USP24: variants seen among roughly 807,000 people sequenced by gnomAD.
USP24 encodes the protein ubiquitin carboxyl-terminal hydrolase 24.
A neutral mutation model predicts 361.6 loss-of-function variants in USP24; 97 were observed. The observed-to-expected ratio is 0.27, with a 90% CI of 0.23 to 0.32. USP24 has a LOEUF of 0.32. Ranked by LOEUF, USP24 falls within the 10% of genes least tolerant of loss-of-function variation. The probability of loss-of-function intolerance (pLI) is 1.00; values close to 1 mark genes in which losing one functional copy is unlikely to be tolerated. For missense variants in USP24, 2,353 were observed against 3,165.6 expected, an observed-to-expected ratio of 0.74 and a Z score of 6.16; for synonymous variants, 1,098 against 1,124.6, an observed-to-expected ratio of 0.98 and a Z score of 0.47.
At position 55,159,483 on chromosome 1, in the gene USP24, A is replaced by C. The variant is rs371356069; in HGVS notation, c.1068+128T>G. ...CAGCACTTTTTAATTAGGAAATGTA[A>C]AGTTAATTCGATGTGAATGCATGTG... is the stretch of plus-strand genomic sequence containing the variant. On this transcript the variant is annotated intron_variant, in intron 9 of 67. Transcript: ENST00000294383. 2.9e-5 allele frequency: 22 copies of C among 761,524 alleles called. No homozygotes were observed. The African/African-American group carries it at 3.5e-4, about 12-fold the overall frequency. 47.2% of individuals were successfully genotyped at this position (761,524 alleles called of 1,614,324 possible).
intron 41 of USP24, 125 bp downstream of exon 41, chr1:55,106,021 G>T: frequency 1.3e-6 from 1 of 771,364 alleles, no homozygotes; most frequent in Middle Eastern, 2.3e-4. Context: ...TCTTCATTTA[G>T]TGGATAATAT....
intron 12 of USP24, among the ~76,000 whole-genome samples, chr1:55,155,110 T>C (rs1003292537): frequency 2.6e-5 from 4 of 152,286 alleles, no homozygotes; most frequent in East Asian, 1.9e-4. Context: ...TTTAAACAGA[T>C]TGAATTATAA....
intron 38 of USP24, among the ~76,000 whole-genome samples, chr1:55,113,020 G>A (rs1435691584): frequency 6.6e-6 from 1 of 152,082 alleles, no homozygotes; most frequent in African/African-American, 2.4e-5. Flanking sequence ...ATTGTGTAAT[G>A]CCCTTCTTTG....
chr1:55,128,975 C>T (rs545739991), intron 32 of USP24, among the ~76,000 whole-genome samples: 1 of 152,198 alleles, frequency 6.6e-6, no homozygotes, highest in East Asian at 1.9e-4. Context: ...CTGCCTCAGC[C>T]CCTGAAAGTG....
At chr1:55,162,051 C>A in intron 8 of USP24, 148 bp downstream of exon 8, 1 of 640,958 alleles carries the variant, frequency 1.6e-6, no homozygotes, top group Non-Finnish European at 2.5e-6. Flanking sequence ...TTTTTATTAT[C>A]TGATGGCATT....
chr1:55,181,872 G>A (rs998448809), intron 1 of USP24, among the ~76,000 whole-genome samples: 1 of 152,098 alleles, frequency 6.6e-6, no homozygotes, highest in African/African-American at 2.4e-5. Flanking sequence ...GATAAACAAG[G>A]TTAAATGAGG....
intron 1 of USP24, among the ~76,000 whole-genome samples, chr1:55,213,884 C>A (rs1644911864): frequency 6.6e-6 from 1 of 152,116 alleles, no homozygotes; most frequent in Non-Finnish European, 1.5e-5. Flanking sequence ...CCTCCACCCC[C>A]ACTGCGCTCC....
At position 55,101,508 on chromosome 1, in the gene USP24, T is replaced by C; in HGVS notation, c.5145+76A>G. 2 of 1,538,812 alleles carry C rather than the reference T, an allele frequency of 1.3e-6. 1 individual carries two copies. Among genetic ancestry groups the C allele is most frequent in the Middle Eastern group, 3.4e-4 (2 of 5,912 alleles). ...TTGTTTTAGGAAACCCCAAAAGCAA[T>C]AAAAAACTATGAAACAATTTTCAAG... is the stretch of plus-strand genomic sequence containing the variant. On this transcript the variant is annotated intron_variant, in intron 43 of 67. Coordinates refer to ENST00000294383, the MANE Select transcript of USP24 (RefSeq NM_015306.3).
chr1:55,209,990 G>A (rs370227903), intron 1 of USP24, among the ~76,000 whole-genome samples: 8 of 152,174 alleles, frequency 5.3e-5, no homozygotes, highest in African/African-American at 1.7e-4. Context: ...TCCTCAAATT[G>A]CTAAAACATT....
rs1445080563 is a variant in USP24, at chr1:55,165,969, C to T, written c.862-19G>A. On this transcript the variant is annotated intron_variant, in intron 6 of 67. Coordinates refer to ENST00000294383, the MANE Select transcript of USP24 (RefSeq NM_015306.3). ...CTCCAAACTGAGAAGAAAAAAGGCA[C>T]ACATTAAGTTATTTTTCTCTTTAAT... is the stretch of plus-strand genomic sequence containing the variant. 1.3e-6 allele frequency: 2 copies of T among 1,597,764 alleles called. No homozygotes were observed.
At chr1:55,183,629 AAG>A (rs1422156738) in intron 1 of USP24, among the ~76,000 whole-genome samples, 1 of 152,236 alleles carries the variant, frequency 6.6e-6, no homozygotes, top group African/African-American at 2.4e-5. Flanking sequence ...TAAGAAAACA[AAG>A]AGCAAAGCGG....
rs1161897442 is a variant in USP24 at position 55,159,674 on chromosome 1, G to A, written c.1005C>T (p.Asp335=). 3.9e-6 allele frequency: 6 copies of A among 1,558,386 alleles called. No homozygotes were observed. Among genetic ancestry groups the A allele is most frequent in the Non-Finnish European group, 5.2e-6 (6 of 1,149,608 alleles). The change falls in exon 9 of 68, where the codon GAC becomes GAT. Residue 335 remains aspartate (D), a synonymous_variant. Coordinates refer to ENST00000294383, the MANE Select transcript of USP24 (RefSeq NM_015306.3). ...LNSSVVQPML[D]PVILTTIQDV... Reference sequence around the variant, plus strand: ...CCTGGATTGTAGTAAGAATGACTGGGTCTAGCATGGGCTGTAGAAATAAAA... The same window carrying A: ...CCTGGATTGTAGTAAGAATGACTGGATCTAGCATGGGCTGTAGAAATAAAA...
At chr1:55,111,386 A>G (rs1380243352) in intron 38 of USP24, among the ~76,000 whole-genome samples, 1 of 152,096 alleles carries the variant, frequency 6.6e-6, no homozygotes, top group Non-Finnish European at 1.5e-5. Context: ...GAGGAACTTA[A>G]TATTAAATAA....
chr1:55,133,548 C>T (rs1373465389), intron 30 of USP24, among the ~76,000 whole-genome samples: 1 of 151,962 alleles, frequency 6.6e-6, no homozygotes, highest in Non-Finnish European at 1.5e-5. Context: ...AGTTCTGACA[C>T]CTGATGTCAT....
intron 31 of USP24, among the ~76,000 whole-genome samples, chr1:55,132,029 T>G (rs951097959): frequency 6.6e-6 from 1 of 152,076 alleles, no homozygotes; most frequent in Non-Finnish European, 1.5e-5. Flanking sequence ...GATCTTGGAG[T>G]GAGTAACTTG....
At chr1:55,178,679 AT>A (rs1650246864) in intron 1 of USP24, among the ~76,000 whole-genome samples, 1 of 1,976 alleles carries the variant, frequency 5.1e-4, no homozygotes, top group Non-Finnish European at 1.5e-3. Context: ...CCGTCTCAAA[AT>A]AAATAAATAA....
chr1:55,096,403 A>C, intron 50 of USP24, 95 bp downstream of exon 50: 1 of 1,073,272 alleles, frequency 9.3e-7, no homozygotes, highest in East Asian at 3.0e-5. Context: ...AAAATAACAA[A>C]ATCTGTTGTG....
intron 45 of USP24, 48 bp from the exon 46 acceptor site, chr1:55,098,606 T>A: frequency 7.5e-7 from 1 of 1,339,024 alleles, no homozygotes. Flanking sequence ...CCTGAACTTA[T>A]GAGTATACAG....
chr1:55,192,945 T>C (rs1644327680), intron 1 of USP24, among the ~76,000 whole-genome samples: 1 of 152,214 alleles, frequency 6.6e-6, no homozygotes. Context: ...TTAACCCTTC[T>C]TGGTTATTCA....
Sources: allele counts gnomAD v4.1 joint callset (sites outside exome capture counted in the v4.1 genomes callset), GRCh38; gene constraint gnomAD v4.1.1; transcripts MANE v1.5; gene names NCBI Gene and HGNC (gene_info 2026-07-23, HGNC 2026-07-21).